The following SHCBP1 variants were observed in gnomAD, a reference collection of about 807,000 sequenced individuals.
The protein encoded by SHCBP1 is SHC SH2 domain-binding protein 1.
A neutral mutation model predicts 75.1 loss-of-function variants in SHCBP1; 60 were observed. The ratio of observed to expected loss-of-function variants is 0.80; its 90% CI spans 0.65 to 0.99. The LOEUF (loss-of-function observed/expected upper bound fraction) is 0.99, where lower values mean the gene tolerates loss of function less well. SHCBP1 is among the 50% of genes least tolerant of loss of function. The pLI is 0.00. For synonymous variants in SHCBP1, 290 were observed against 293.2 expected, an observed-to-expected ratio of 0.99 and a Z score of 0.11; for missense variants, 709 against 809.4, an observed-to-expected ratio of 0.88 and a Z score of 1.50.
Position 46,616,342 on chromosome 16 carries a change from T to C in SHCBP1, c.388-188A>G, listed in dbSNP as rs1164702296. Among the ~76,000 whole-genome samples, 1 of 151,966 alleles carries C rather than the reference T, an allele frequency of 6.6e-6. No individual in the cohort carries two copies. Among genetic ancestry groups the C allele is most frequent in the African/African-American group, 2.4e-5 (1 of 41,370 alleles). On this transcript the variant is annotated intron_variant, in intron 3 of 12. Transcript: ENST00000303383. This position sits in a 1 kb window ranked among gnomAD's most constrained non-coding sequence, Gnocchi z 4.4. Reference sequence around the variant, plus strand: ...GGAGCTTACACTGTAATCAGGGAGATCAACAAACACAATGATAACCAGTAG... The same window carrying C: ...GGAGCTTACACTGTAATCAGGGAGACCAACAAACACAATGATAACCAGTAG...
Position 46,583,990 on chromosome 16 carries a change from G to A in SHCBP1, c.1551+13C>T, listed in dbSNP as rs1442237328. 2 of 1,595,174 alleles carry A rather than the reference G, an allele frequency of 1.3e-6. No homozygotes were observed. Among genetic ancestry groups the A allele is most frequent in the East Asian group, 4.5e-5 (2 of 44,736 alleles). On this transcript the variant is annotated intron_variant, in intron 11 of 12. Transcript: ENST00000303383. ...CTATCCATTGAAAAGTGGGTGTTTT[G>A]GCTGATGCTCACCTTAATGAGGATC... is the stretch of plus-strand genomic sequence containing the variant.
At chr16:46,612,532 G>A (rs1965434258) in intron 4 of SHCBP1, among the ~76,000 whole-genome samples, 1 of 152,054 alleles carries the variant, frequency 6.6e-6, no homozygotes, top group African/African-American at 2.4e-5. Flanking sequence ...AAAAACCTCT[G>A]CTGGCTCCCT....
chr16:46,613,526 T>G (rs1462600527), intron 4 of SHCBP1, among the ~76,000 whole-genome samples: 1 of 152,196 alleles, frequency 6.6e-6, no homozygotes, highest in Non-Finnish European at 1.5e-5. Context: ...CATGCTGGCC[T>G]TTCAGCTCCT....
chr16:46,601,883 A>C (rs1331113654), intron 8 of SHCBP1, among the ~76,000 whole-genome samples: 1 of 152,236 alleles, frequency 6.6e-6, no homozygotes, highest in African/African-American at 2.4e-5. Context: ...GAAAAACCCT[A>C]TTGTAAGTAC....
At chr16:46,585,394 ACCAG>A (rs1369651976) in intron 10 of SHCBP1, among the ~76,000 whole-genome samples, 6 of 152,124 alleles carry the variant, frequency 3.9e-5, no homozygotes, top group Non-Finnish European at 8.8e-5. Context: ...AAGAAGGCAG[ACCAG>A]CTAGGGACCT....
At chr16:46,593,200 C>G (rs995706935) in intron 10 of SHCBP1, among the ~76,000 whole-genome samples, 10 of 151,878 alleles carry the variant, frequency 6.6e-5, no homozygotes, top group African/African-American at 2.4e-5. Flanking sequence ...TAACATTACT[C>G]TCTATATAGA....
At position 46,595,570 on chromosome 16, in the gene SHCBP1, C is replaced by A. The variant is rs755976652; in HGVS notation, c.1446G>T (p.Ser482=). The A allele has an allele frequency of 5.6e-6, 9 of 1,613,924 alleles. No individual in the cohort carries two copies. In the East Asian group the frequency reaches 2.0e-4, roughly 36 times the overall value. Residue 482 remains serine, a synonymous_variant, in exon 10 of 13, where the codon TCG becomes TCT. Coordinates refer to ENST00000303383, the MANE Select transcript of SHCBP1 (RefSeq NM_024745.5). ...CTTCTACCTTGGCGCCATATAAATC[C>A]GAGTTCTTCATTAGAAACTCTGCTG... is the stretch of plus-strand genomic sequence containing the variant. ...RTSAEFLMKN[S]DLYGAKGAGI... is the part of the protein sequence containing the mutation.
chr16:46,592,574 G>A (rs893105370), intron 10 of SHCBP1, among the ~76,000 whole-genome samples: 4 of 151,810 alleles, frequency 2.6e-5, no homozygotes, highest in African/African-American at 9.7e-5. Flanking sequence ...ACAAGAGAAG[G>A]GAACACTTCA....
In SHCBP1 at chr16:46,595,535, A is replaced by G. The variant is rs1965122148; in HGVS notation, c.1464+17T>C. ...CTTAAACACAAACTACTTCCCCAAGAGGACAAGAGCTTCTACCTTGGCGCC... is the reference window on the plus strand; with the variant it reads ...CTTAAACACAAACTACTTCCCCAAGGGGACAAGAGCTTCTACCTTGGCGCC... On this transcript the variant is annotated intron_variant, in intron 10 of 12. Coordinates refer to ENST00000303383, the MANE Select transcript of SHCBP1 (RefSeq NM_024745.5). 3 of 1,589,100 alleles carry G rather than the reference A, an allele frequency of 1.9e-6. No individual in the cohort carries two copies. In the Admixed American group the frequency reaches 5.0e-5, roughly 27 times the overall value.
chr16:46,611,222 G>A (rs577971308), intron 4 of SHCBP1, among the ~76,000 whole-genome samples: 32 of 152,192 alleles, frequency 2.1e-4, no homozygotes, highest in South Asian at 8.3e-4. Context: ...CCTGAACTAC[G>A]GGAATAGGCT....
At chr16:46,595,473 T>C in intron 10 of SHCBP1, 79 bp downstream of exon 10, 1 of 1,104,704 alleles carries the variant, frequency 9.1e-7, no homozygotes, top group East Asian at 2.4e-5. Flanking sequence ...AGTACACACA[T>C]ACATCTTGGT....
intron 12 of SHCBP1, 130 bp downstream of exon 12, chr16:46,583,386 C>A (rs1252597106): frequency 2.2e-5 from 20 of 902,494 alleles, no homozygotes; most frequent in Non-Finnish European, 3.1e-5. Context: ...TACCAAGCTT[C>A]TCTCTCTCCA....
At chr16:46,590,323 A>G (rs1965023997) in intron 10 of SHCBP1, among the ~76,000 whole-genome samples, 1 of 152,242 alleles carries the variant, frequency 6.6e-6, no homozygotes, top group Admixed American at 6.5e-5. Context: ...AATGGGATCT[A>G]GTTAAACTAA....
rs1385691292 is a variant in SHCBP1 at position 46,589,430 on chromosome 16, G to A, written c.1465-5341C>T. 2.6e-5 allele frequency among the ~76,000 whole-genome samples: 4 copies of A among 152,276 alleles called. No individual in the cohort carries two copies. The East Asian group carries it at 5.8e-4, about 22-fold the overall frequency. The stretch of plus-strand genomic sequence containing the variant: ...GATTGCATATCTAGAAAACCCCATC[G>A]TCTCAGCCCAATATCTCCTTAAGCT... On this transcript the variant is annotated intron_variant, in intron 10 of 12. Coordinates refer to ENST00000303383, the MANE Select transcript of SHCBP1 (RefSeq NM_024745.5).
In SHCBP1 at chr16:46,578,971, C is replaced by T. The variant is rs573133180; in HGVS notation, c.*2758G>A. ...ATTATTTCACCATCCTTCTGTAACT[C>T]CAGAAAAGTGAAGTGTATATACACT... On this transcript the variant is annotated 3_prime_UTR_variant, in exon 13 of 13. Transcript: ENST00000303383. 6.6e-6 allele frequency among the ~76,000 whole-genome samples: 1 copy of T among 152,226 alleles called. No homozygotes were observed. The highest frequency in any genetic ancestry group is 1.9e-4 in the East Asian group (1 of 5,182).
Position 46,603,649 on chromosome 16 carries a change from T to A in SHCBP1, c.1103A>T (p.Asp368Val). Residue 368 changes from aspartate (D) to valine (V), a missense_variant, in exon 8 of 13, where the codon GAT (aspartate) becomes GTT (valine). By Grantham distance (152) the Asp-to-Val change is radical. Coordinates refer to ENST00000303383, the MANE Select transcript of SHCBP1 (RefSeq NM_024745.5). ...GCAGGCATTTATAGCAGACAATGGATCACTATGGAACTAGAAAACAATAAG... is the reference window on the plus strand; with the variant it reads ...GCAGGCATTTATAGCAGACAATGGAACACTATGGAACTAGAAAACAATAAG... Reference protein sequence around the residue: ...EEEREIQFHSDPLSAINACFE... With the variant: ...EEEREIQFHSVPLSAINACFE... 7 of 1,614,098 alleles carry A rather than the reference T, an allele frequency of 4.3e-6. No individual in the cohort carries two copies. Among genetic ancestry groups the A allele is most frequent in the Non-Finnish European group, 5.1e-6 (6 of 1,180,010 alleles).
chr16:46,585,853 T>C (rs1964947810), intron 10 of SHCBP1, among the ~76,000 whole-genome samples: 1 of 152,122 alleles, frequency 6.6e-6, no homozygotes, highest in African/African-American at 2.4e-5. Flanking sequence ...TGTAGGAAGC[T>C]AGACCTCCCA....
rs951564540 is a variant in SHCBP1, at chr16:46,618,112, G to T, written c.271+93C>A. On this transcript the variant is annotated intron_variant, in intron 2 of 12. Transcript: ENST00000303383. ...AATCACCTGAACCTGGGAGGCGGAG[G>T]TTGCGGTGAGCCGAGATCGCACCAT... 4 of 1,261,814 alleles carry T rather than the reference G, an allele frequency of 3.2e-6. No homozygotes were observed. In the Admixed American group the frequency reaches 1.1e-4, roughly 35 times the overall value. The allele number at this position is 1,261,814 out of a possible 1,614,324, so 78.2% of individuals were successfully genotyped here. A position where few individuals can be genotyped will look rare whatever the true frequency, so the allele number is the denominator to read the frequency against.
At chr16:46,587,610 T>C (rs1324083208) in intron 10 of SHCBP1, among the ~76,000 whole-genome samples, 3 of 151,738 alleles carry the variant, frequency 2.0e-5, no homozygotes, top group Non-Finnish European at 4.4e-5. Flanking sequence ...TATGGGTGCA[T>C]ATAACTATCC....
Sources: allele counts gnomAD v4.1 joint callset (sites outside exome capture counted in the v4.1 genomes callset), GRCh38; gene constraint gnomAD v4.1.1; non-coding constraint Gnocchi (gnomAD v3.1); transcripts MANE v1.5; gene names NCBI Gene and HGNC (gene_info 2026-07-23, HGNC 2026-07-21).